TTN: variants seen among roughly 807,000 people sequenced by gnomAD.
TTN encodes titin.
TTN carries 1,525 observed loss-of-function variants against 3,223.0 expected under a neutral mutation model. The observed-to-expected ratio is 0.47, with a 90% CI of 0.45 to 0.49. The LOEUF (loss-of-function observed/expected upper bound fraction) is 0.49. Among genes scored for constraint, TTN ranks in the 20% least tolerant of loss-of-function variants. TTN has a pLI of 0.00. For missense variants in TTN, 40,786 were observed against 43,424.0 expected, an observed-to-expected ratio of 0.94 and a Z score of 5.40; for synonymous variants, 14,094 against 15,161.0, an observed-to-expected ratio of 0.93 and a Z score of 5.17.
intron 47 of TTN, among the ~76,000 whole-genome samples, chr2:178,752,228 A>C (rs1159105094): frequency 1.3e-5 from 2 of 152,038 alleles, no homozygotes; most frequent in African/African-American, 2.4e-5. Flanking sequence ...TTCTGACACG[A>C]AAATCGTTCG....
rs2555815 is a variant in TTN at position 178,545,421 on chromosome 2, C to T, written c.95689G>A (p.Ala31897Thr). The change falls in exon 344 of 363, where the codon GCT (alanine) becomes ACT (threonine). Residue 31897 changes from alanine (A) to threonine (T), a missense_variant. By Grantham distance (58) the Ala-to-Thr change is moderately conservative. Coordinates refer to ENST00000589042, the MANE Select transcript of TTN (RefSeq NM_001267550.2). Reference protein sequence around the residue: ...NAAGNSEPSEASNFISCREPS... With the variant: ...NAAGNSEPSETSNFISCREPS... Reference sequence around the variant, plus strand: ...TCTCTGCATGAGATGAAGTTGGAAGCTTCGCTGGGCTCACTGTTACCAGCT... The same window carrying T: ...TCTCTGCATGAGATGAAGTTGGAAGTTTCGCTGGGCTCACTGTTACCAGCT... 2 of 1,591,482 alleles carry T rather than the reference C, an allele frequency of 1.3e-6. No individual in the cohort carries two copies. Among genetic ancestry groups the T allele is most frequent in the African/African-American group, 1.3e-5 (1 of 74,274 alleles).
chr2:178,543,847 A>G lies in TTN; in HGVS notation c.96297T>C (p.Leu32099=), dbSNP rs186343409. ...TAAAATGCTTACCATAGACTTTAAC[A>G]AGGACTGTTGCTGATTTCTTGCCAG... ...NQSGKKSATV[L]VKVYDTPGPC... is the part of the protein sequence containing the mutation. The change falls in exon 346 of 363, where the codon CTT becomes CTC. Residue 32099 remains leucine, a synonymous_variant. Coordinates refer to ENST00000589042, the MANE Select transcript of TTN (RefSeq NM_001267550.2). 6.2e-6 allele frequency: 10 copies of G among 1,613,626 alleles called. No homozygotes were observed. Among genetic ancestry groups the G allele is most frequent in the Non-Finnish European group, 5.9e-6 (7 of 1,179,660 alleles).
intron 163 of TTN, 45 bp downstream of exon 163, chr2:178,666,779 A>G: frequency 2.0e-6 from 3 of 1,479,064 alleles, no homozygotes; most frequent in Non-Finnish European, 2.7e-6. Flanking sequence ...GTTAAGTACA[A>G]CTGCAAACAT....
At position 178,675,825 on chromosome 2, in the gene TTN, A is replaced by G. The variant is rs2067961113; in HGVS notation, c.34454-71T>C. 4 of 1,527,926 alleles carry G rather than the reference A, an allele frequency of 2.6e-6. No individual in the cohort carries two copies. The African/African-American group carries it at 4.1e-5, about 16-fold the overall frequency. 94.6% of individuals were successfully genotyped at this position (1,527,926 alleles called of 1,614,324 possible). ...AAAGACAAGTAGACACAGCAGTAATATAAGTTGTATTAACAAATACGGAAA... is the reference window on the plus strand; with the variant it reads ...AAAGACAAGTAGACACAGCAGTAATGTAAGTTGTATTAACAAATACGGAAA... On this transcript the variant is annotated intron_variant, in intron 148 of 362. Coordinates refer to ENST00000589042, the MANE Select transcript of TTN (RefSeq NM_001267550.2).
chr2:178,776,276 C>T lies in TTN; in HGVS notation c.5588G>A (p.Arg1863Lys). ...LEGETARFRCRVTGYPQPKVN... is the reference protein window; with the variant it reads ...LEGETARFRCKVTGYPQPKVN... ...TTTGGGCTGAGGGTAGCCTGTTACC[C>T]TGCAGCGGAACCTTGCAGTCTCCCC... Residue 1863 changes from arginine to lysine, a missense_variant, in exon 28 of 363, where the codon AGG (arginine) becomes AAG (lysine). Arg to Lys is a conservative substitution (Grantham distance 26). Coordinates refer to ENST00000589042, the MANE Select transcript of TTN (RefSeq NM_001267550.2). The T allele has an allele frequency of 1.9e-6, 3 of 1,614,110 alleles. No individual in the cohort carries two copies. Among genetic ancestry groups the T allele is most frequent in the Middle Eastern group, 1.7e-4 (1 of 6,060 alleles).
At position 178,715,255 on chromosome 2, in the gene TTN, A is replaced by G. The variant is rs779643078; in HGVS notation, c.25931T>C (p.Ile8644Thr). The change falls in exon 90 of 363, where the codon ATT (isoleucine) becomes ACT (threonine). Residue 8644 changes from isoleucine to threonine, a missense_variant. Ile to Thr is a moderately conservative substitution (Grantham distance 89). Transcript: ENST00000589042. ...STSLKVKEPP[I>T]FRKKPHPIET... The stretch of plus-strand genomic sequence containing the variant: ...TATAGGATGAGGCTTTTTGCGGAAA[A>G]TGGGTGGTTCTAAAATTGGAAAAAA... 6.2e-7 allele frequency: 1 copy of G among 1,601,622 alleles called. No homozygotes were observed. The highest frequency in any genetic ancestry group is 1.1e-5 in the South Asian group (1 of 88,758).
At chr2:178,587,470 C>A in intron 306 of TTN, 46 bp downstream of exon 306, 1 of 1,602,930 alleles carries the variant, frequency 6.2e-7, no homozygotes, top group Non-Finnish European at 8.5e-7. Context: ...TCCCTATTAA[C>A]AAATTCATTT....
chr2:178,529,525 C>G (rs114215185), intron 359 of TTN, among the ~76,000 whole-genome samples: 1 of 152,086 alleles, frequency 6.6e-6, no homozygotes, highest in Non-Finnish European at 1.5e-5. Flanking sequence ...TTTGAGTAAC[C>G]AAAACATTAA....
At position 178,582,385 on chromosome 2, in the gene TTN, T is replaced by C; in HGVS notation, c.66071A>G (p.His22024Arg). 1 of 1,612,870 alleles carries C rather than the reference T, an allele frequency of 6.2e-7. No individual in the cohort carries two copies. ...AGCACAAATACGGAACTGATACTCA[T>C]GGCCCTCTATAAGTTTCTCCACGCT... ...SCSVEKLIEG[H>R]EYQFRICAEN... The change falls in exon 314 of 363, where the codon CAT becomes CGT. Residue 22024 changes from histidine (H) to arginine (R), a missense_variant. Physicochemically the swap from His to Arg is conservative, Grantham distance 29. Transcript: ENST00000589042.
rs1005820649 is a variant in TTN, at chr2:178,576,847, A to G, written c.69413-16T>C. ...CCAGGGGGACCTGAAAAGGAAGCAAATTTATTAGAAATCCATGATTTCCTA... is the reference window on the plus strand; with the variant it reads ...CCAGGGGGACCTGAAAAGGAAGCAAGTTTATTAGAAATCCATGATTTCCTA... On this transcript the variant is annotated splice_polypyrimidine_tract_variant and intron_variant, in intron 324 of 362. Coordinates refer to ENST00000589042, the MANE Select transcript of TTN (RefSeq NM_001267550.2). The surrounding 1 kb of genome is among the most constrained non-coding windows in gnomAD (Gnocchi z 4.3). The G allele has an allele frequency of 1.2e-6, 2 of 1,601,806 alleles. No individual in the cohort carries two copies. The highest frequency in any genetic ancestry group is 1.7e-6 in the Non-Finnish European group (2 of 1,176,726).
intron 102 of TTN, among the ~76,000 whole-genome samples, chr2:178,706,132 A>G (rs978099232): frequency 2.6e-5 from 4 of 152,192 alleles, no homozygotes; most frequent in African/African-American, 9.6e-5. Context: ...CTTTTTGTGA[A>G]TGGGACATTA....
rs2060324191 is a variant in TTN, at chr2:178,635,440, C to T, written c.41884G>A (p.Glu13962Lys). Residue 13962 changes from glutamate to lysine, a missense_variant and splice_region_variant, in exon 227 of 363, where the codon GAG becomes AAG. By Grantham distance (56) the Glu-to-Lys change is moderately conservative (BLOSUM62 1). Transcript: ENST00000589042. ...KRYPAKLTLG[E>K]REVELLKPIE... is the part of the protein sequence containing the mutation. ...TTGAATAAAAGGTAAGATTTTATAC[C>T]TCCAAGTGTCAGCTTTGCAGGGTAT... The T allele has an allele frequency of 6.2e-7, 1 of 1,606,434 alleles. No homozygotes were observed. The highest frequency in any genetic ancestry group is 1.1e-5 in the South Asian group (1 of 90,058).
chr2:178,556,653 C>T (rs927515694), intron 330 of TTN, 195 bp downstream of exon 330: 2 of 623,916 alleles, frequency 3.2e-6, no homozygotes, highest in Non-Finnish European at 5.5e-6. Flanking sequence ...AAATCTCTCA[C>T]TTTACAGTCA....
chr2:178,541,232 C>A, intron 350 of TTN, 50 bp downstream of exon 350: 1 of 1,416,086 alleles, frequency 7.1e-7, no homozygotes, highest in Non-Finnish European at 9.3e-7. Flanking sequence ...TGAATTTTCC[C>A]ACATATAAAT....
At chr2:178,652,628 G>A (rs1474676511) in intron 201 of TTN, 25 bp downstream of exon 201, 2 of 1,612,794 alleles carry the variant, frequency 1.2e-6, no homozygotes, top group South Asian at 2.2e-5. Flanking sequence ...TAGATCTTCT[G>A]ACGCTTAAAC....
Position 178,557,443 on chromosome 2 carries a change from G to T in TTN, c.87819C>A (p.His29273Gln). The stretch of plus-strand genomic sequence containing the variant: ...TACTGTTTCTGTCTTTCATTTCCAG[G>T]TGATAGCCTACGACTGCACTGCCTC... Reference protein sequence around the residue: ...SNGGSAVVGYHLEMKDRNSIL... With the variant: ...SNGGSAVVGYQLEMKDRNSIL... Residue 29273 changes from histidine (H) to glutamine (Q), a missense_variant, in exon 329 of 363, where the codon CAC (histidine) becomes CAA (glutamine). Transcript: ENST00000589042. The T allele has an allele frequency of 6.2e-7, 1 of 1,613,914 alleles. No homozygotes were observed. The highest frequency in any genetic ancestry group is 8.5e-7 in the Non-Finnish European group (1 of 1,179,852).
At position 178,550,131 on chromosome 2, in the gene TTN, C is replaced by T. The variant is rs1060500543; in HGVS notation, c.91707G>A (p.Lys30569=). 6.2e-7 allele frequency: 1 copy of T among 1,613,702 alleles called. No homozygotes were observed. Among genetic ancestry groups the T allele is most frequent in the Admixed American group, 1.7e-5 (1 of 59,986 alleles). ...CGTCGGTTATTTCCATATTCATCCT[C>T]TTTTCGATTTCCACTCCATCTTTGA... ...TWFKDGVEIE[K]RMNMEITDVL... is the part of the protein sequence containing the mutation. Residue 30569 remains lysine, a synonymous_variant, in exon 337 of 363, where the codon AAG becomes AAA. Transcript: ENST00000589042.
At chr2:178,756,166 G>C in intron 46 of TTN, 56 bp downstream of exon 46, 3 of 1,286,958 alleles carry the variant, frequency 2.3e-6, no homozygotes, top group South Asian at 1.4e-5. Context: ...TGGCAGAAAA[G>C]CTGCATAAAG....
Position 178,566,995 on chromosome 2 carries a change from T to C in TTN, c.79137A>G (p.Leu26379=). Residue 26379 remains leucine, a synonymous_variant, in exon 326 of 363, where the codon CTA becomes CTG. Coordinates refer to ENST00000589042, the MANE Select transcript of TTN (RefSeq NM_001267550.2). ...CAGGAAGCACAAATGGATTTTTCAT[T>C]AGTACTGGTGCAGATTCCAAAGGCT... The part of the protein sequence containing the change: ...VGEPLESAPV[L]MKNPFVLPGP... 6.2e-7 allele frequency: 1 copy of C among 1,613,614 alleles called. No individual in the cohort carries two copies. The highest frequency in any genetic ancestry group is 1.1e-5 in the South Asian group (1 of 91,078).
Sources: gnomAD v4.1 joint callset for allele counts (sites outside exome capture counted in the v4.1 genomes callset) on GRCh38, gnomAD v4.1.1 for gene constraint, Gnocchi (gnomAD v3.1) non-coding constraint, MANE v1.5 for transcripts, NCBI Gene and HGNC (gene_info 2026-07-23, HGNC 2026-07-21) for gene names.